The following SPATA9 variants were observed in gnomAD, a reference collection of about 807,000 sequenced individuals.
SPATA9 encodes the protein spermatogenesis associated 9.
A neutral mutation model predicts 25.5 loss-of-function variants in SPATA9; 27 were observed. That is an observed-to-expected ratio of 1.06 (90% CI 0.78 to 1.46). The LOEUF (loss-of-function observed/expected upper bound fraction) is 1.46. Ranked by LOEUF, SPATA9 falls within the 40% of genes most tolerant of loss-of-function variation. The probability of loss-of-function intolerance (pLI) is 0.00; values close to 1 mark genes in which losing one functional copy is unlikely to be tolerated. For missense variants in SPATA9, 282 were observed against 297.5 expected, an observed-to-expected ratio of 0.95 and a Z score of 0.38; for synonymous variants, 102 against 105.7, an observed-to-expected ratio of 0.97 and a Z score of 0.21.
the SPATA9 span, chr5:95,717,106 A>T: frequency 6.6e-6 from 1 of 152,148 alleles, no homozygotes; most frequent in Non-Finnish European, 1.5e-5. Context: ...TTTGAATGAG[A>T]TTAACATTTA....
At chr5:95,700,086 G>A (rs1304650552), upstream of SPATA9, among the ~76,000 whole-genome samples, 1 of 151,780 alleles carries the variant, frequency 6.6e-6, no homozygotes, top group African/African-American at 2.4e-5. Context: ...TTAACAGGGA[G>A]TCATGAGGAA....
chr5:95,720,806 T>C, the SPATA9 span, among the ~76,000 whole-genome samples: 1 of 152,328 alleles, frequency 6.6e-6, no homozygotes, highest in African/African-American at 2.4e-5. Flanking sequence ...TTTTTGCCAA[T>C]ATGACAAGCA....
At chr5:95,704,063 A>G in the SPATA9 span, among the ~76,000 whole-genome samples, 565 of 151,070 alleles carry the variant, frequency 3.7e-3, 5 homozygotes, top group Non-Finnish European at 4.4e-3. Context: ...ATATACACAC[A>G]TACACACACA....
intron 1 of SPATA9, among the ~76,000 whole-genome samples, chr5:95,688,290 C>T (rs900627974): frequency 6.6e-6 from 1 of 152,148 alleles, no homozygotes; most frequent in Non-Finnish European, 1.5e-5. Flanking sequence ...TCACAAAGTG[C>T]AAGAGGTGCA....
chr5:95,721,741 T>C, the SPATA9 span, among the ~76,000 whole-genome samples: 1 of 147,312 alleles, frequency 6.8e-6, no homozygotes, highest in Non-Finnish European at 1.5e-5. Context: ...TAAGAATGTG[T>C]CCAAGGGAAT....
chr5:95,711,068 G>A, the SPATA9 span, among the ~76,000 whole-genome samples: 5 of 152,160 alleles, frequency 3.3e-5, no homozygotes, highest in African/African-American at 4.8e-5. Context: ...GTGACTCATC[G>A]GGCCCCTGGA....
chr5:95,664,558 G>C (rs913268691), intron 3 of SPATA9, among the ~76,000 whole-genome samples: 4 of 152,126 alleles, frequency 2.6e-5, no homozygotes, highest in African/African-American at 4.8e-5. Context: ...TATGCAACAG[G>C]CTCTTATGAA....
the SPATA9 span, among the ~76,000 whole-genome samples, chr5:95,720,915 C>G: frequency 1.3e-5 from 2 of 152,050 alleles, no homozygotes. Context: ...CATATTTTAC[C>G]GAAGAAAAGG....
downstream of SPATA9, chr5:95,656,818 A>C (rs1271306306): frequency 6.5e-6 from 1 of 152,742 alleles, no homozygotes; most frequent in Non-Finnish European, 1.5e-5. Flanking sequence ...TGGATTTGCT[A>C]CCTCTCCTAT....
chr5:95,724,371 C>T, the SPATA9 span, among the ~76,000 whole-genome samples: 1 of 152,206 alleles, frequency 6.6e-6, no homozygotes. Flanking sequence ...TACATTTTTA[C>T]ATGTTTAACA....
the SPATA9 span, chr5:95,730,775 T>C: frequency 1.0e-5 from 4 of 400,796 alleles, no homozygotes; most frequent in African/African-American, 8.3e-5. Context: ...AGCAAATTAA[T>C]TGGTGTGTGA....
chr5:95,671,285 T>C (rs1034439418), intron 3 of SPATA9, among the ~76,000 whole-genome samples: 1 of 152,214 alleles, frequency 6.6e-6, no homozygotes, highest in African/African-American at 2.4e-5. Context: ...ACTTTGATCA[T>C]CCACTTGCTA....
intron 1 of SPATA9, among the ~76,000 whole-genome samples, chr5:95,688,230 A>G (rs944889143): frequency 6.6e-6 from 1 of 152,236 alleles, no homozygotes; most frequent in African/African-American, 2.4e-5. Context: ...CTATTCAGCC[A>G]TAAAAAAGAA....
chr5:95,731,747 AG>A, the SPATA9 span: 1 of 1,608,714 alleles, frequency 6.2e-7, no homozygotes, highest in Non-Finnish European at 8.5e-7. Context: ...CCCCAGGGAC[AG>A]GGGCTGGTGC....
chr5:95,656,342 A>G (rs777616735), downstream of SPATA9: 4 of 1,528,486 alleles, frequency 2.6e-6, no homozygotes, highest in Admixed American at 1.9e-5. Flanking sequence ...AATGTTGTGT[A>G]TGCTTGAAAA....
chr5:95,691,058 T>C (rs941789156), intron 1 of SPATA9, among the ~76,000 whole-genome samples: 1 of 151,978 alleles, frequency 6.6e-6, no homozygotes, highest in African/African-American at 2.4e-5. Context: ...CTACTAAAAA[T>C]ACAAAAAATT....
At chr5:95,730,926 G>A in the SPATA9 span, 2 of 459,680 alleles carry the variant, frequency 4.4e-6, no homozygotes, top group African/African-American at 2.0e-5. Context: ...GGCCAAGAGG[G>A]GGGGAAATCG....
At chr5:95,658,007 A>G (rs1750873410), downstream of SPATA9, 1 of 152,318 alleles carries the variant, frequency 6.6e-6, no homozygotes, top group South Asian at 2.1e-4. Context: ...AATAATGAGT[A>G]GTGTGCACTT....
upstream of SPATA9, among the ~76,000 whole-genome samples, chr5:95,685,183 G>A (rs532516662): frequency 6.6e-6 from 1 of 152,278 alleles, no homozygotes; most frequent in South Asian, 2.1e-4. Flanking sequence ...CCCAATAAGT[G>A]GCAGGTTTCA....
Sources: allele counts gnomAD v4.1 joint callset (sites outside exome capture counted in the v4.1 genomes callset), GRCh38; gene constraint gnomAD v4.1.1; transcripts MANE v1.5; gene names NCBI Gene and HGNC (gene_info 2026-07-23, HGNC 2026-07-21).